STARD13: variants seen among roughly 807,000 people sequenced by gnomAD.
STARD13 encodes stAR-related lipid transfer protein 13.
STARD13 carries 62 observed loss-of-function variants against 106.4 expected under a neutral mutation model. That is an observed-to-expected ratio of 0.58 (90% CI 0.48 to 0.72). STARD13 has a LOEUF of 0.72. STARD13 is among the 30% of genes least tolerant of loss of function. STARD13 has a pLI of 0.00. For synonymous variants in STARD13, 565 were observed against 553.0 expected (o/e 1.02, Z -0.31); for missense variants, 1,387 against 1,424.0 (o/e 0.97, Z 0.42).
At chr13:33,591,319 TAAAA>T in the STARD13 span, among the ~76,000 whole-genome samples, 1 of 152,220 alleles carries the variant, frequency 6.6e-6, no homozygotes, top group Admixed American at 6.5e-5. Flanking sequence ...ATTTATCATG[TAAAA>T]AAAGGATGAA....
chr13:33,479,274 G>A, the STARD13 span, among the ~76,000 whole-genome samples: 1 of 152,198 alleles, frequency 6.6e-6, no homozygotes, highest in Admixed American at 6.6e-5. Flanking sequence ...ATGCACTGCT[G>A]GTGGGAATGC....
At chr13:33,525,598 T>G in the STARD13 span, among the ~76,000 whole-genome samples, 1 of 152,260 alleles carries the variant, frequency 6.6e-6, no homozygotes, top group East Asian at 1.9e-4. Flanking sequence ...ATTGAAGTAA[T>G]AAGTTTGTCT....
chr13:33,291,607 A>G (rs1190438642), intron 1 of STARD13, among the ~76,000 whole-genome samples: 7 of 152,154 alleles, frequency 4.6e-5, no homozygotes, highest in Admixed American at 4.6e-4. Context: ...TGCCTGAAAA[A>G]CAGGGCAGTA....
chr13:33,591,045 A>G, the STARD13 span, among the ~76,000 whole-genome samples: 2 of 152,256 alleles, frequency 1.3e-5, no homozygotes, highest in Non-Finnish European at 2.9e-5. Flanking sequence ...AACATTTGGA[A>G]TTTCGCATTC....
the STARD13 span, among the ~76,000 whole-genome samples, chr13:33,615,892 G>C: frequency 6.6e-6 from 1 of 152,082 alleles, no homozygotes; most frequent in Non-Finnish European, 1.5e-5. Context: ...TACTAATTGC[G>C]TACCTATAGT....
At chr13:33,150,198 G>C (rs961745514) in intron 3 of STARD13, among the ~76,000 whole-genome samples, 1 of 152,168 alleles carries the variant, frequency 6.6e-6, no homozygotes, top group Non-Finnish European at 1.5e-5. Context: ...ATCAGTGATT[G>C]ACTTTAAGTA....
chr13:33,227,365 T>C (rs1352314096), intron 1 of STARD13, among the ~76,000 whole-genome samples: 2 of 152,250 alleles, frequency 1.3e-5, no homozygotes, highest in Non-Finnish European at 2.9e-5. Flanking sequence ...ACCTAATTTG[T>C]TCCAGAACTA....
the STARD13 span, among the ~76,000 whole-genome samples, chr13:33,649,521 T>C: frequency 6.6e-6 from 1 of 152,218 alleles, no homozygotes; most frequent in Non-Finnish European, 1.5e-5. Flanking sequence ...TCTCTGGCTA[T>C]ACCGAATATA....
downstream of STARD13, among the ~76,000 whole-genome samples, chr13:33,345,128 C>T (rs1379500574): frequency 6.6e-6 from 1 of 152,204 alleles, no homozygotes; most frequent in African/African-American, 2.4e-5. Context: ...TTTACAACAG[C>T]ATCTCATTCT....
the STARD13 span, among the ~76,000 whole-genome samples, chr13:33,546,682 C>T: frequency 1.3e-5 from 2 of 150,606 alleles, no homozygotes; most frequent in Non-Finnish European, 2.9e-5. Context: ...CTCACTCTGT[C>T]GCCCAGGCTG....
At chr13:33,391,454 A>G in the STARD13 span, among the ~76,000 whole-genome samples, 1 of 152,208 alleles carries the variant, frequency 6.6e-6, no homozygotes, top group Non-Finnish European at 1.5e-5. Flanking sequence ...CTTTAGTGAG[A>G]TAAATGTCCC....
At chr13:33,207,791 A>T (rs921360357) in intron 1 of STARD13, among the ~76,000 whole-genome samples, 1 of 152,120 alleles carries the variant, frequency 6.6e-6, no homozygotes, top group Non-Finnish European at 1.5e-5. Flanking sequence ...TGCTTGCTGT[A>T]GCTGGCCAGA....
At chr13:33,303,214 T>C (rs1892784046) in intron 1 of STARD13, among the ~76,000 whole-genome samples, 1 of 152,188 alleles carries the variant, frequency 6.6e-6, no homozygotes, top group African/African-American at 2.4e-5. Context: ...GGCCTTTCAC[T>C]CTGTGTTGCT....
intron 1 of STARD13, among the ~76,000 whole-genome samples, chr13:33,325,323 AG>A (rs1277210988): frequency 1.3e-5 from 2 of 152,216 alleles, no homozygotes; most frequent in Non-Finnish European, 2.9e-5. Context: ...AAACAGGATG[AG>A]GGCCTTTCTC....
At chr13:33,309,572 G>C (rs1167211466) in intron 1 of STARD13, among the ~76,000 whole-genome samples, 1 of 152,136 alleles carries the variant, frequency 6.6e-6, no homozygotes, top group African/African-American at 2.4e-5. Context: ...AGAGGAGAGA[G>C]AACAGCCGTA....
intron 1 of STARD13, among the ~76,000 whole-genome samples, chr13:33,265,017 A>G (rs1387236383): frequency 1.3e-5 from 2 of 152,204 alleles, no homozygotes; most frequent in African/African-American, 4.8e-5. Context: ...AGGGGTGCTA[A>G]TGAGCACAGA....
At chr13:33,165,649 T>A (rs760852324) in intron 2 of STARD13, among the ~76,000 whole-genome samples, 1 of 152,218 alleles carries the variant, frequency 6.6e-6, no homozygotes, top group Non-Finnish European at 1.5e-5. Flanking sequence ...TTGGATAGGA[T>A]TGAACACTAA....
the STARD13 span, among the ~76,000 whole-genome samples, chr13:33,373,762 G>A: frequency 2.1e-5 from 3 of 144,524 alleles, no homozygotes; most frequent in East Asian, 5.8e-4. Context: ...TATACCATTA[G>A]GACACTATTA....
the STARD13 span, among the ~76,000 whole-genome samples, chr13:33,465,920 A>C: frequency 1.3e-5 from 2 of 152,154 alleles, no homozygotes; most frequent in Non-Finnish European, 2.9e-5. Flanking sequence ...ATATATACCT[A>C]TATATATGAA....
Sources: allele counts gnomAD v4.1 joint callset (sites outside exome capture counted in the v4.1 genomes callset), GRCh38; gene constraint gnomAD v4.1.1; transcripts MANE v1.5; gene names NCBI Gene and HGNC (gene_info 2026-07-23, HGNC 2026-07-21).